Variants in UBTF observed in about 807,000 individuals in gnomAD.
UBTF encodes the protein upstream binding transcription factor.
In UBTF, 8 loss-of-function variants were observed where a neutral mutation model predicts 112.3. The ratio of observed to expected loss-of-function variants is 0.07; its 90% CI spans 0.04 to 0.13. UBTF has a LOEUF of 0.13. Ranked by LOEUF, UBTF falls within the 10% of genes least tolerant of loss-of-function variation. UBTF has a pLI of 1.00. For synonymous variants in UBTF, 417 were observed against 373.1 expected, an observed-to-expected ratio of 1.12 and a Z score of -1.36; for missense variants, 457 against 982.1, an observed-to-expected ratio of 0.47 and a Z score of 7.15.
At chr17:44,220,602 C>T (rs1440517439), upstream of UBTF, 1 of 152,142 alleles carries the variant, frequency 6.6e-6, no homozygotes, top group Non-Finnish European at 1.5e-5. Context: ...CGGGCTCCGG[C>T]GGAGGGGCCG....
rs577769911 is a variant in UBTF at position 44,211,048 on chromosome 17, T to C, written c.1194A>G (p.Glu398=). 26 of 1,611,640 alleles carry C rather than the reference T, an allele frequency of 1.6e-5. 1 individual carries two copies. The South Asian group carries it at 2.4e-4, about 15-fold the overall frequency. ...TSPASKKPAQ[E]GGKGGSEKPK... is the part of the protein sequence containing the mutation. ...CGCACCCTCTGCCCACCTTGCCCCC[T>C]TCCTGGGCTGGCTTCTTGGAGGCGG... Residue 398 remains glutamate, a synonymous_variant, in exon 12 of 21, where the codon GAA becomes GAG. Transcript: ENST00000436088. The surrounding 1 kb of genome is among the most constrained non-coding windows in gnomAD (Gnocchi z 4.9).
chr17:44,218,818 G>A (rs1236181521), intron 1 of UBTF, among the ~76,000 whole-genome samples: 3 of 150,228 alleles, frequency 2.0e-5, no homozygotes, highest in East Asian at 4.0e-4. Context: ...CAGCCCCGGA[G>A]CGGAGCGGCC....
upstream of UBTF, chr17:44,219,899 C>T (rs943332633): frequency 6.6e-6 from 1 of 151,188 alleles, no homozygotes; most frequent in Non-Finnish European, 1.5e-5. Context: ...GCCCGCCCGC[C>T]TCGCCGGCTC....
At position 44,211,565 on chromosome 17, in the gene UBTF, C is replaced by T; in HGVS notation, c.1047+41G>A. On this transcript the variant is annotated intron_variant, in intron 10 of 20. Coordinates refer to ENST00000436088, the MANE Select transcript of UBTF (RefSeq NM_014233.4). This position sits in a 1 kb window ranked among gnomAD's most constrained non-coding sequence, Gnocchi z 4.9. ...GCCCAAGATGGGATCAGACCTCATG[C>T]TTCAAAACCCCAAGGCAGGGTGGCC... The T allele has an allele frequency of 6.3e-7, 1 of 1,593,406 alleles. No homozygotes were observed. Among genetic ancestry groups the T allele is most frequent in the Admixed American group, 1.7e-5 (1 of 59,008 alleles).
In UBTF at chr17:44,205,250, C is replaced by T. The variant is rs1430037516; in HGVS notation, c.*1992G>A. 3 of 152,574 alleles carry T rather than the reference C, an allele frequency of 2.0e-5. No homozygotes were observed. The highest frequency in any genetic ancestry group is 4.4e-5 in the Non-Finnish European group (3 of 68,040). 9.5% of individuals were successfully genotyped at this position (152,574 alleles called of 1,614,324 possible). The stretch of plus-strand genomic sequence containing the variant: ...GTCTTCCCACCCCAGCCATCCCATC[C>T]CAGTGCCAAAATGCACTCAAGAGTG... On this transcript the variant is annotated 3_prime_UTR_variant, in exon 21 of 21. Transcript: ENST00000436088.
chr17:44,210,054 T>C, intron 15 of UBTF, 70 bp downstream of exon 15: 1 of 1,523,360 alleles, frequency 6.6e-7, no homozygotes, highest in South Asian at 1.1e-5. Flanking sequence ...GACTTCTTGC[T>C]CAGAGCTGCC....
chr17:44,212,726 T>C (rs1339184182), intron 7 of UBTF, 93 bp downstream of exon 7: 2 of 1,564,938 alleles, frequency 1.3e-6, no homozygotes, highest in Non-Finnish European at 1.7e-6. Context: ...CCTCCTCTCC[T>C]GCTCCCCTGC....
chr17:44,218,133 G>A (rs1440544777), intron 2 of UBTF, 39 bp downstream of exon 2: 1 of 1,604,364 alleles, frequency 6.2e-7, no homozygotes, highest in Non-Finnish European at 8.5e-7. Flanking sequence ...GAGGGAAAGA[G>A]GGTTTAAGTT....
chr17:44,218,812 C>T (rs2047000423), intron 1 of UBTF, among the ~76,000 whole-genome samples: 1 of 150,670 alleles, frequency 6.6e-6, no homozygotes, highest in Non-Finnish European at 1.5e-5. Flanking sequence ...CGCCGCCAGC[C>T]CCGGAGCGGA....
upstream of UBTF, among the ~76,000 whole-genome samples, chr17:44,220,544 A>T (rs1241244890): frequency 1.3e-5 from 2 of 152,060 alleles, no homozygotes; most frequent in African/African-American, 4.8e-5. Flanking sequence ...GCATTAAAAA[A>T]AAAAAATCCC....
intron 17 of UBTF, chr17:44,209,107 T>TTTTAATGATGCG: frequency 3.6e-6 from 1 of 276,118 alleles, no homozygotes; most frequent in Non-Finnish European, 6.2e-6. Context: ...AGGTGGAGGT[T>TTTTAATGATGCG]GCAGTGAGCC....
At position 44,205,113 on chromosome 17, in the gene UBTF, C is replaced by G. The variant is rs1428293077; in HGVS notation, c.*2129G>C. 6.6e-6 allele frequency: 1 copy of G among 152,616 alleles called. No individual in the cohort carries two copies. Among genetic ancestry groups the G allele is most frequent in the Non-Finnish European group, 1.5e-5 (1 of 68,036 alleles). 9.5% of individuals were successfully genotyped at this position (152,616 alleles called of 1,614,324 possible). On this transcript the variant is annotated 3_prime_UTR_variant, in exon 21 of 21. Coordinates refer to ENST00000436088, the MANE Select transcript of UBTF (RefSeq NM_014233.4). Reference sequence around the variant, plus strand: ...GTTGGCTTTAAGCATAGGCAGACACCTCTAAGCCACTCCCTCCCACCTCCC... The same window carrying G: ...GTTGGCTTTAAGCATAGGCAGACACGTCTAAGCCACTCCCTCCCACCTCCC...
intron 3 of UBTF, 78 bp downstream of exon 3, chr17:44,216,451 T>G: frequency 3.9e-6 from 6 of 1,538,360 alleles, no homozygotes; most frequent in Admixed American, 1.7e-5. Context: ...CTTTCCTTCC[T>G]GTTTACAGCC....
intron 7 of UBTF, 24 bp from the exon 8 acceptor site, chr17:44,212,478 A>T: frequency 1.3e-6 from 1 of 744,500 alleles, no homozygotes; most frequent in Non-Finnish European, 2.1e-6. Flanking sequence ...GCCGTCAGAC[A>T]CGCACAGGCA....
At chr17:44,212,049 G>A (rs1341235751) in intron 8 of UBTF, 43 bp from the exon 9 acceptor site, 2 of 1,571,572 alleles carry the variant, frequency 1.3e-6, no homozygotes, top group Middle Eastern at 1.7e-4. Flanking sequence ...GGGGTGTGGA[G>A]TTAGCTAGGG....
At chr17:44,210,065 C>T (rs77996120) in intron 15 of UBTF, 59 bp downstream of exon 15, 44,840 of 1,579,118 alleles carry the variant, frequency 0.028, 854 homozygotes, top group East Asian at 0.072. Flanking sequence ...CAGAGCTGCC[C>T]AACCAAAGGG....
intron 1 of UBTF, chr17:44,218,512 C>G (rs984314072): frequency 4.7e-6 from 2 of 427,462 alleles, no homozygotes; most frequent in African/African-American, 4.4e-5. Context: ...CGGCGCGCGC[C>G]CTCCCCTGGC....
rs201338082 is a variant in UBTF, at chr17:44,210,776, C to G, written c.1359+16G>C. On this transcript the variant is annotated intron_variant, in intron 13 of 20. Transcript: ENST00000436088. ...CAGCCCCCCTGGGGGCACAGCGCTCCGCCAGGCAGCCTGACCTTCTTCTTC... is the reference window on the plus strand; with the variant it reads ...CAGCCCCCCTGGGGGCACAGCGCTCGGCCAGGCAGCCTGACCTTCTTCTTC... 1.3e-6 allele frequency: 2 copies of G among 1,556,306 alleles called. No homozygotes were observed. Among genetic ancestry groups the G allele is most frequent in the South Asian group, 1.2e-5 (1 of 84,988 alleles).
intron 8 of UBTF, 55 bp downstream of exon 8, chr17:44,212,288 CG>C: frequency 6.8e-7 from 1 of 1,479,740 alleles, no homozygotes; most frequent in Non-Finnish European, 9.4e-7. Context: ...GCCACGGAGT[CG>C]GAGGGCAGAG....
Sources: gnomAD v4.1 joint callset for allele counts (sites outside exome capture counted in the v4.1 genomes callset) on GRCh38, gnomAD v4.1.1 for gene constraint, Gnocchi (gnomAD v3.1) non-coding constraint, MANE v1.5 for transcripts, NCBI Gene and HGNC (gene_info 2026-07-23, HGNC 2026-07-21) for gene names.